Variants in PRIM2 observed in about 807,000 individuals in gnomAD.
PRIM2 encodes DNA primase large subunit.
In PRIM2, 39 loss-of-function variants were observed where a neutral mutation model predicts 67.3. The observed-to-expected ratio is 0.58, with a 90% confidence interval of 0.45 to 0.76. PRIM2 has a LOEUF of 0.76. PRIM2 is among the 30% of genes least tolerant of loss of function. The probability of loss-of-function intolerance (pLI) is 0.00; values close to 1 mark genes in which losing one functional copy is unlikely to be tolerated. For missense variants in PRIM2, 398 were observed against 598.7 expected, an observed-to-expected ratio of 0.66 and a Z score of 3.50; for synonymous variants, 143 against 198.7, an observed-to-expected ratio of 0.72 and a Z score of 2.36.
intron 13 of PRIM2, among the ~76,000 whole-genome samples, chr6:57,633,757 C>T (rs1209241855): frequency 2.0e-5 from 3 of 152,004 alleles, no homozygotes; most frequent in African/African-American, 7.3e-5. Context: ...ATAGGGTTCA[C>T]ACCCGCATGA....
the PRIM2 span, among the ~76,000 whole-genome samples, chr6:57,257,270 ATTTT>A: frequency 2.4e-4 from 35 of 144,722 alleles, no homozygotes; most frequent in African/African-American, 6.3e-4. Flanking sequence ...ATCTGTAGGC[ATTTT>A]TTTTTTTTTT....
At chr6:57,474,402 C>T (rs1311620760) in intron 7 of PRIM2, among the ~76,000 whole-genome samples, 3 of 152,150 alleles carry the variant, frequency 2.0e-5, no homozygotes, top group East Asian at 1.9e-4. Flanking sequence ...TCTCTATCTC[C>T]TGACCTCGTG....
intron 7 of PRIM2, among the ~76,000 whole-genome samples, chr6:57,393,844 C>T (rs547897796): frequency 0.032 from 4,864 of 151,394 alleles, 254 homozygotes; most frequent in African/African-American, 0.11. Flanking sequence ...TTGCATAAGG[C>T]GAGAGATGAG....
intron 8 of PRIM2, among the ~76,000 whole-genome samples, chr6:57,512,634 G>C (rs1774394739): frequency 6.6e-6 from 1 of 151,848 alleles, no homozygotes; most frequent in Admixed American, 6.6e-5. Context: ...CACTCTGTCT[G>C]TCGCCCAGGC....
chr6:57,402,294 A>G (rs2894851), intron 7 of PRIM2, among the ~76,000 whole-genome samples: 1 of 152,094 alleles, frequency 6.6e-6, no homozygotes, highest in Non-Finnish European at 1.5e-5. Context: ...TTGCCCAAAC[A>G]CACCTGTAGT....
intron 13 of PRIM2, among the ~76,000 whole-genome samples, chr6:57,638,893 T>C (rs1253187089): frequency 5.9e-5 from 9 of 152,176 alleles, no homozygotes; most frequent in African/African-American, 2.2e-4. Context: ...AACTCAGCTC[T>C]GGACCAAGTG....
chr6:57,279,233 A>G, the PRIM2 span, among the ~76,000 whole-genome samples: 2 of 152,234 alleles, frequency 1.3e-5, no homozygotes, highest in South Asian at 4.1e-4. Flanking sequence ...GAGGGAAACC[A>G]CACATTAGAG....
chr6:57,574,257 G>A (rs1198873538), intron 10 of PRIM2, among the ~76,000 whole-genome samples: 2 of 152,228 alleles, frequency 1.3e-5, no homozygotes, highest in Non-Finnish European at 2.9e-5. Context: ...TACATAGGGT[G>A]TAACCAATGG....
At chr6:57,566,732 T>C in intron 10 of PRIM2, among the ~76,000 whole-genome samples, 1 of 152,288 alleles carries the variant, frequency 6.6e-6, no homozygotes, top group South Asian at 2.1e-4. Context: ...AATAGGATGA[T>C]TTAGGATAAG....
At chr6:57,518,770 T>C (rs2127463399) in intron 8 of PRIM2, among the ~76,000 whole-genome samples, 1 of 152,326 alleles carries the variant, frequency 6.6e-6, no homozygotes, top group African/African-American at 2.4e-5. Flanking sequence ...TATCTTTTGT[T>C]TTGGGACATA....
At chr6:57,252,033 A>G in the PRIM2 span, among the ~76,000 whole-genome samples, 1 of 152,202 alleles carries the variant, frequency 6.6e-6, no homozygotes, top group Non-Finnish European at 1.5e-5. Context: ...TTCAAACTCC[A>G]TATCTTGCCC....
chr6:57,626,745 C>A (rs1461476806), intron 12 of PRIM2, among the ~76,000 whole-genome samples: 1 of 151,884 alleles, frequency 6.6e-6, no homozygotes, highest in Non-Finnish European at 1.5e-5. Context: ...CCGCCTCAGC[C>A]CCCCAAGTAG....
At chr6:57,558,282 A>T (rs1184118051) in intron 10 of PRIM2, among the ~76,000 whole-genome samples, 1 of 152,202 alleles carries the variant, frequency 6.6e-6, no homozygotes, top group Non-Finnish European at 1.5e-5. Flanking sequence ...AATATGACGT[A>T]GAAAGTAGTA....
chr6:57,294,468 G>A, the PRIM2 span, among the ~76,000 whole-genome samples: 2,168 of 152,094 alleles, frequency 0.014, 21 homozygotes, highest in Non-Finnish European at 0.022. Context: ...GCAACAGAGC[G>A]AGACTCCGTC....
chr6:57,642,435 CTTTTT>C (rs1156576933), intron 13 of PRIM2, among the ~76,000 whole-genome samples: 14 of 83,184 alleles, frequency 1.7e-4, no homozygotes, highest in East Asian at 4.0e-4. Context: ...AATATTATAT[CTTTTT>C]TTTTTTTTTT....
At chr6:57,538,872 G>A (rs2127470468) in intron 10 of PRIM2, among the ~76,000 whole-genome samples, 1 of 152,048 alleles carries the variant, frequency 6.6e-6, no homozygotes, top group East Asian at 1.9e-4. Flanking sequence ...CGGGATTAGG[G>A]CCCCACACTC....
intron 12 of PRIM2, among the ~76,000 whole-genome samples, chr6:57,620,250 G>A (rs1776827594): frequency 6.6e-6 from 1 of 152,124 alleles, no homozygotes; most frequent in South Asian, 2.1e-4. Context: ...CTTCGCCTAG[G>A]CACATTGTCA....
At chr6:57,271,889 A>G in the PRIM2 span, among the ~76,000 whole-genome samples, 3 of 152,192 alleles carry the variant, frequency 2.0e-5, no homozygotes, top group African/African-American at 7.2e-5. Context: ...TTATTTACCC[A>G]GTAGTCATTC....
chr6:57,527,873 A>C (rs1774793407), intron 8 of PRIM2, among the ~76,000 whole-genome samples: 1 of 152,120 alleles, frequency 6.6e-6, no homozygotes, highest in African/African-American at 2.4e-5. Context: ...CCTCATTTCT[A>C]TCATATTCAT....
Sources: gnomAD v4.1 joint callset for allele counts (sites outside exome capture counted in the v4.1 genomes callset) on GRCh38, gnomAD v4.1.1 for gene constraint, MANE v1.5 for transcripts, NCBI Gene and HGNC (gene_info 2026-07-23, HGNC 2026-07-21) for gene names.